TGM6: variants seen among roughly 807,000 people sequenced by gnomAD.
The protein encoded by TGM6 is transglutaminase 6, also known as protein-glutamine gamma-glutamyltransferase 6.
A neutral mutation model predicts 77.5 loss-of-function variants in TGM6; 74 were observed. That is an observed-to-expected ratio of 0.96 (90% CI 0.79 to 1.16). The LOEUF (loss-of-function observed/expected upper bound fraction) is 1.16. TGM6 is among the 50% of genes most tolerant of loss of function. The pLI is 0.00. For synonymous variants in TGM6, 383 were observed against 378.9 expected, an observed-to-expected ratio of 1.01 and a Z score of -0.12; for missense variants, 968 against 940.2, an observed-to-expected ratio of 1.03 and a Z score of -0.39.
chr20:2,425,276 G>A (rs544958817), intron 10 of TGM6, among the ~76,000 whole-genome samples: 18 of 152,076 alleles, frequency 1.2e-4, no homozygotes, highest in African/African-American at 3.6e-4. Context: ...GAGCCCAAGA[G>A]CTGGAAGTTT....
chr20:2,417,542 A>G lies in TGM6; in HGVS notation c.1647A>G (p.Glu549=). 6.2e-7 allele frequency: 1 copy of G among 1,604,752 alleles called. No homozygotes were observed. Among genetic ancestry groups the G allele is most frequent in the Non-Finnish European group, 8.5e-7 (1 of 1,179,896 alleles). The change falls in exon 10 of 13, where the codon GAA becomes GAG. Residue 549 remains glutamate, a synonymous_variant. Transcript: ENST00000202625. ...AGCCAGTGGCAGAGATCCTGCATGA[A>G]TCCCACGCCGTGAGGCTGGGGCCGC... ...TRKPVAEILH[E]SHAVRLGPQE...
intron 9 of TGM6, among the ~76,000 whole-genome samples, chr20:2,404,704 G>A (rs1322608302): frequency 6.6e-6 from 1 of 151,472 alleles, no homozygotes; most frequent in Non-Finnish European, 1.5e-5. Context: ...GCAATAATGT[G>A]ATCTCAGCTC....
rs935915900 is a variant in TGM6 at position 2,403,268 on chromosome 20, A to G, written c.990-129A>G. 3 of 897,848 alleles carry G rather than the reference A, an allele frequency of 3.3e-6. No homozygotes were observed. The African/African-American group carries it at 4.9e-5, about 15-fold the overall frequency. The allele number at this position is 897,848 out of a possible 1,614,324, so 55.6% of individuals were successfully genotyped here. A position where few individuals can be genotyped will look rare whatever the true frequency, so the allele number is the denominator to read the frequency against. On this transcript the variant is annotated intron_variant, in intron 7 of 12. Transcript: ENST00000202625. ...GCTGTGTGCTCATTCATGTGGTTGA[A>G]TGAGTGATTCACAACATGCAGCCAC...
At chr20:2,397,804 G>T (rs1205858054) in intron 4 of TGM6, 114 bp from the exon 5 acceptor site, 4 of 1,555,192 alleles carry the variant, frequency 2.6e-6, no homozygotes, top group Non-Finnish European at 3.5e-6. Context: ...GTGGTTGGAG[G>T]GGGCAGCAAA....
chr20:2,427,649 T>G (rs995021742), intron 10 of TGM6, among the ~76,000 whole-genome samples: 11 of 152,216 alleles, frequency 7.2e-5, no homozygotes, highest in Admixed American at 7.2e-4. Context: ...TGGATTTAGA[T>G]CCTTCTTCTT....
At chr20:2,411,959 C>T (rs1348321300) in intron 9 of TGM6, among the ~76,000 whole-genome samples, 1 of 152,126 alleles carries the variant, frequency 6.6e-6, no homozygotes, top group African/African-American at 2.4e-5. Context: ...AGCAGGACCT[C>T]GAAGAGATAT....
intron 10 of TGM6, 49 bp downstream of exon 10, chr20:2,417,622 C>T: frequency 1.3e-6 from 2 of 1,544,132 alleles, no homozygotes; most frequent in Non-Finnish European, 1.7e-6. Context: ...CCTCCTTTTT[C>T]AGGAGGGTTG....
intron 10 of TGM6, among the ~76,000 whole-genome samples, chr20:2,421,275 G>A (rs532327369): frequency 2.4e-4 from 36 of 152,268 alleles, no homozygotes; most frequent in Admixed American, 7.2e-4. Context: ...ATGAGCCGCC[G>A]TGCCCGGCTC....
At chr20:2,390,255 C>A (rs2084621579) in intron 1 of TGM6, among the ~76,000 whole-genome samples, 1 of 152,188 alleles carries the variant, frequency 6.6e-6, no homozygotes. Flanking sequence ...TTTCAGTATT[C>A]ATCATTCATA....
intron 5 of TGM6, among the ~76,000 whole-genome samples, chr20:2,399,107 C>T (rs568146176): frequency 4.0e-5 from 6 of 150,324 alleles, no homozygotes; most frequent in African/African-American, 1.2e-4. Flanking sequence ...TGGGCAGGTC[C>T]CTGAATGCTT....
At position 2,390,679 on chromosome 20, in the gene TGM6, G is replaced by A. The variant is rs192621763; in HGVS notation, c.8-3773G>A. ...AAAGAAATAAAATATATTGTAAGAT[G>A]TCAGTAAGTGCCATGGAGGAAAATA... On this transcript the variant is annotated intron_variant, in intron 1 of 12. Coordinates refer to ENST00000202625, the MANE Select transcript of TGM6 (RefSeq NM_198994.3). Among the ~76,000 whole-genome samples, 173 of 152,336 alleles carry A rather than the reference G, an allele frequency of 1.1e-3. 2 individuals carry two copies. Among genetic ancestry groups the A allele is most frequent in the South Asian group, 9.3e-3 (45 of 4,830 alleles).
Position 2,398,000 on chromosome 20 carries a change from C to A in TGM6, c.626C>A (p.Ser209Tyr). ...CAAAACAACCCAGCCACCGACGTGTCCTGCCGCCACAACCCCATCTACGTC... is the reference window on the plus strand; with the variant it reads ...CAAAACAACCCAGCCACCGACGTGTACTGCCGCCACAACCCCATCTACGTC... ...GHQNNPATDV[S>Y]CRHNPIYVTR... The change falls in exon 5 of 13, where the codon TCC becomes TAC. Residue 209 changes from serine (S) to tyrosine (Y), a missense_variant. Physicochemically the swap from Ser to Tyr is moderately radical, Grantham distance 144 (BLOSUM62 -2). Coordinates refer to ENST00000202625, the MANE Select transcript of TGM6 (RefSeq NM_198994.3). 6.2e-7 allele frequency: 1 copy of A among 1,614,150 alleles called. No individual in the cohort carries two copies. The highest frequency in any genetic ancestry group is 8.5e-7 in the Non-Finnish European group (1 of 1,180,026).
intron 1 of TGM6, among the ~76,000 whole-genome samples, chr20:2,392,917 GCTT>G (rs1340346392): frequency 6.6e-6 from 1 of 152,190 alleles, no homozygotes; most frequent in East Asian, 1.9e-4. Flanking sequence ...AAAGGAAGGT[GCTT>G]CAGCCAGTAG....
chr20:2,407,066 A>G (rs1335022793), intron 9 of TGM6, among the ~76,000 whole-genome samples: 1 of 152,176 alleles, frequency 6.6e-6, no homozygotes, highest in Non-Finnish European at 1.5e-5. Context: ...AGACAGATGT[A>G]CAGAGAGGCA....
intron 3 of TGM6, among the ~76,000 whole-genome samples, chr20:2,396,180 CAAA>C (rs10548828): frequency 2.0e-4 from 25 of 126,772 alleles, no homozygotes; most frequent in Admixed American, 2.3e-4. Flanking sequence ...AACTCTATCT[CAAA>C]AAAAAAAAAA....
intron 12 of TGM6, among the ~76,000 whole-genome samples, chr20:2,431,875 G>T (rs2084926029): frequency 6.6e-6 from 1 of 152,232 alleles, no homozygotes; most frequent in Non-Finnish European, 1.5e-5. Flanking sequence ...AAGAGAACTT[G>T]ATTTGGGCCT....
intron 2 of TGM6, among the ~76,000 whole-genome samples, chr20:2,394,937 G>A (rs2084652791): frequency 6.6e-6 from 1 of 152,148 alleles, no homozygotes; most frequent in East Asian, 1.9e-4. Context: ...TCCTTTCCTG[G>A]CCCGACATAG....
chr20:2,405,380 C>T (rs2084742580), intron 9 of TGM6, among the ~76,000 whole-genome samples: 1 of 152,222 alleles, frequency 6.6e-6, no homozygotes, highest in Admixed American at 6.5e-5. Context: ...GATTCCACCC[C>T]TGACTAATTG....
intron 9 of TGM6, 94 bp downstream of exon 9, chr20:2,403,917 C>G (rs1599953869): frequency 2.5e-6 from 4 of 1,599,744 alleles, no homozygotes; most frequent in South Asian, 2.2e-5. Flanking sequence ...AGGCCTCACC[C>G]CATGTATATG....
Sources: allele counts gnomAD v4.1 joint callset (sites outside exome capture counted in the v4.1 genomes callset), GRCh38; gene constraint gnomAD v4.1.1; transcripts MANE v1.5; gene names NCBI Gene and HGNC (gene_info 2026-07-23, HGNC 2026-07-21).